Variants in GPAT4 observed in about 807,000 individuals in gnomAD.
GPAT4 encodes the protein glycerol-3-phosphate acyltransferase 4.
In GPAT4, 17 loss-of-function variants were observed where a neutral mutation model predicts 58.0. The observed-to-expected ratio is 0.29, with a 90% CI of 0.20 to 0.44. The LOEUF (loss-of-function observed/expected upper bound fraction) is 0.44, where lower values mean the gene tolerates loss of function less well. Ranked by LOEUF, GPAT4 falls within the 20% of genes least tolerant of loss-of-function variation. The probability of loss-of-function intolerance (pLI) is 1.00; values close to 1 mark genes in which losing one functional copy is unlikely to be tolerated. For missense variants in GPAT4, 377 were observed against 574.5 expected (o/e 0.66, Z 3.51); for synonymous variants, 204 against 210.1 (o/e 0.97, Z 0.25).
At chr8:41,601,949 A>T (rs1160947252) in intron 2 of GPAT4, among the ~76,000 whole-genome samples, 1 of 80,002 alleles carries the variant, frequency 1.2e-5, no homozygotes, top group Admixed American at 1.2e-4. Flanking sequence ...TTTGGGCCAC[A>T]GTGGCCCAAA....
intron 4 of GPAT4, chr8:41,610,403 A>G (rs1375003108): frequency 2.4e-6 from 3 of 1,242,040 alleles, no homozygotes; most frequent in African/African-American, 3.1e-5. Flanking sequence ...CTGTGCTTCC[A>G]CCGGGGTTTC....
intron 1 of GPAT4, among the ~76,000 whole-genome samples, chr8:41,589,801 G>C (rs757405674): frequency 5.9e-5 from 9 of 152,196 alleles, no homozygotes; most frequent in African/African-American, 9.7e-5. Flanking sequence ...CCTTGGGTCT[G>C]TGGAACTCAG....
chr8:41,579,372 A>G (rs1314443052), intron 1 of GPAT4, among the ~76,000 whole-genome samples: 5 of 152,202 alleles, frequency 3.3e-5, no homozygotes, highest in Non-Finnish European at 5.9e-5. Flanking sequence ...ACTTGATGCA[A>G]GATGAGTCTG....
intron 1 of GPAT4, among the ~76,000 whole-genome samples, chr8:41,594,546 C>CTTTT (rs35439986): frequency 1.6e-4 from 22 of 133,552 alleles, no homozygotes; most frequent in African/African-American, 2.3e-4. Context: ...TTATTACAAA[C>CTTTT]TTTTTTTTTT....
rs567790530 is a variant in GPAT4, at chr8:41,581,625, C to CTTT, written c.-849+3366_-849+3368dup. Among the ~76,000 whole-genome samples the CTTT allele has an allele frequency of 4.7e-3, 519 of 110,546 alleles. 11 individuals are homozygous for CTTT. Among genetic ancestry groups the CTTT allele is most frequent in the African/African-American group, 0.017 (491 of 29,602 alleles). 72.5% of individuals were successfully genotyped at this position (110,546 alleles called of 152,430 possible). A position where few individuals can be genotyped will look rare whatever the true frequency, so the allele number is the denominator to read the frequency against. On this transcript the variant is annotated intron_variant, in intron 1 of 12. Transcript: ENST00000396987. ...AGCCACCATGCCAGGCCTTTGTTGA[C>CTTT]TTTTTTTTTTTTTTTTTTTTTGAGA...
At chr8:41,610,997 T>C (rs186611639) in intron 5 of GPAT4, among the ~76,000 whole-genome samples, 187 bp downstream of exon 5, 31 of 151,818 alleles carry the variant, frequency 2.0e-4, no homozygotes, top group Admixed American at 2.0e-3. Flanking sequence ...GAGGCTGAGG[T>C]GGGTGGATCA....
Position 41,582,929 on chromosome 8 carries a change from A to T in GPAT4, c.-849+4651A>T, listed in dbSNP as rs112050311. On this transcript the variant is annotated intron_variant, in intron 1 of 12. Coordinates refer to ENST00000396987, the MANE Select transcript of GPAT4 (RefSeq NM_178819.4). The stretch of plus-strand genomic sequence containing the variant: ...TCTACTTAACATTTCAAATTAAAAT[A>T]TACAAGAAATTGGCCTGACGTGGTG... Among the ~76,000 whole-genome samples, 510 of 152,246 alleles carry T rather than the reference A, an allele frequency of 3.3e-3. 2 individuals carry two copies. Among genetic ancestry groups the T allele is most frequent in the African/African-American group, 0.012 (490 of 41,546 alleles).
chr8:41,621,022 G>T lies in GPAT4; in HGVS notation c.*21G>T. 1 of 1,550,438 alleles carries T rather than the reference G, an allele frequency of 6.4e-7. No individual in the cohort carries two copies. The highest frequency in any genetic ancestry group is 2.4e-5 in the East Asian group (1 of 40,924). On this transcript the variant is annotated 3_prime_UTR_variant, in exon 13 of 13. Coordinates refer to ENST00000396987, the MANE Select transcript of GPAT4 (RefSeq NM_178819.4). ...CCTGAGCCTGCCTCCAGCTGGCTGG[G>T]GCCACCGTGCGGGGTGCCAACGGGC...
At chr8:41,599,371 T>C (rs1399389296) in intron 2 of GPAT4, 67 bp downstream of exon 2, 5 of 1,557,242 alleles carry the variant, frequency 3.2e-6, no homozygotes, top group East Asian at 2.2e-5. Context: ...CAAAAAGTTA[T>C]TCTTACAGGC....
Position 41,624,319 on chromosome 8 carries a change from G to C in GPAT4, c.*3318G>C, listed in dbSNP as rs536246336. 6.6e-6 allele frequency: 1 copy of C among 152,258 alleles called. No individual in the cohort carries two copies. Among genetic ancestry groups the C allele is most frequent in the African/African-American group, 2.4e-5 (1 of 41,454 alleles). 9.4% of individuals were successfully genotyped at this position (152,258 alleles called of 1,614,324 possible). A position where few individuals can be genotyped will look rare whatever the true frequency, so the allele number is the denominator to read the frequency against. On this transcript the variant is annotated 3_prime_UTR_variant, in exon 13 of 13. Coordinates refer to ENST00000396987, the MANE Select transcript of GPAT4 (RefSeq NM_178819.4). ...AATGCCCTTCCCAGACCAGTGACAG[G>C]CATTTTTGGGTGCCATCGTGTGACC...
At chr8:41,593,587 T>C (rs1341178155) in intron 1 of GPAT4, among the ~76,000 whole-genome samples, 1 of 152,192 alleles carries the variant, frequency 6.6e-6, no homozygotes, top group African/African-American at 2.4e-5. Flanking sequence ...GCTGCTTTCT[T>C]GACTCGGGTG....
Position 41,609,936 on chromosome 8 carries a change from T to A in GPAT4, c.517T>A (p.Cys173Ser). ...GGGGTTAGGAGTGCTGATTCGGTACTGCTTTCTGCTGCCGCTCAGGTGAGG... is the reference window on the plus strand; with the variant it reads ...GGGGTTAGGAGTGCTGATTCGGTACAGCTTTCTGCTGCCGCTCAGGTGAGG... ...LWGLGVLIRY[C>S]FLLPLRIALA... The change falls in exon 4 of 13, where the codon TGC becomes AGC. Residue 173 changes from cysteine (C) to serine (S), a missense_variant. By Grantham distance (112) the Cys-to-Ser change is moderately radical (BLOSUM62 -1). Transcript: ENST00000396987. 1 of 1,607,214 alleles carries A rather than the reference T, an allele frequency of 6.2e-7. No individual in the cohort carries two copies. The highest frequency in any genetic ancestry group is 8.5e-7 in the Non-Finnish European group (1 of 1,175,470).
chr8:41,619,124 A>G lies in GPAT4; in HGVS notation c.1262+147A>G, dbSNP rs565930069. The G allele has an allele frequency of 1.4e-3, 1,329 of 960,586 alleles. 2 individuals are homozygous for G. Among genetic ancestry groups the G allele is most frequent in the Non-Finnish European group, 2.0e-3 (1,268 of 640,722 alleles). The allele number at this position is 960,586 out of a possible 1,614,324, so 59.5% of individuals were successfully genotyped here. A position where few individuals can be genotyped will look rare whatever the true frequency, so the allele number is the denominator to read the frequency against. On this transcript the variant is annotated intron_variant, in intron 12 of 12. Coordinates refer to ENST00000396987, the MANE Select transcript of GPAT4 (RefSeq NM_178819.4). ...TTTGACTCTCCCCGAATTCCAACCCAGAAGTGCCCTGTGCTTCCTTGACCT... is the reference window on the plus strand; with the variant it reads ...TTTGACTCTCCCCGAATTCCAACCCGGAAGTGCCCTGTGCTTCCTTGACCT...
intron 4 of GPAT4, 155 bp downstream of exon 4, chr8:41,610,110 G>A (rs1241037587): frequency 6.9e-7 from 1 of 1,447,576 alleles, no homozygotes; most frequent in Admixed American, 2.8e-5. Flanking sequence ...ATACACTGGT[G>A]ATTCTCCTTT....
chr8:41,612,023 G>C, intron 6 of GPAT4, 31 bp downstream of exon 6: 1 of 1,611,884 alleles, frequency 6.2e-7, no homozygotes. Context: ...TAGGAAGGGA[G>C]ATGGCGCTGC....
At chr8:41,595,000 C>T (rs1470563887) in intron 1 of GPAT4, among the ~76,000 whole-genome samples, 1 of 151,984 alleles carries the variant, frequency 6.6e-6, no homozygotes, top group East Asian at 1.9e-4. Flanking sequence ...ACTAGACTGT[C>T]TAAGGCGACA....
chr8:41,621,277 A>G lies in GPAT4; in HGVS notation c.*276A>G. On this transcript the variant is annotated 3_prime_UTR_variant, in exon 13 of 13. Coordinates refer to ENST00000396987, the MANE Select transcript of GPAT4 (RefSeq NM_178819.4). ...ATAAGTCGTTGGAGGAATGCCATTAAAGTGAACTCCCCACCTTTGCACGCT... is the reference window on the plus strand; with the variant it reads ...ATAAGTCGTTGGAGGAATGCCATTAGAGTGAACTCCCCACCTTTGCACGCT... The G allele has an allele frequency of 2.1e-6, 1 of 465,394 alleles. No individual in the cohort carries two copies. Among genetic ancestry groups the G allele is most frequent in the Non-Finnish European group, 3.9e-6 (1 of 254,998 alleles). The allele number at this position is 465,394 out of a possible 1,614,324, so 28.8% of individuals were successfully genotyped here.
intron 10 of GPAT4, among the ~76,000 whole-genome samples, chr8:41,616,949 T>C (rs1803611817): frequency 6.6e-6 from 1 of 152,196 alleles, no homozygotes; most frequent in South Asian, 2.1e-4. Flanking sequence ...TGTGTTGAGC[T>C]TCTGCCTTTT....
At position 41,622,045 on chromosome 8, in the gene GPAT4, G is replaced by A. The variant is rs1803767848; in HGVS notation, c.*1044G>A. The A allele has an allele frequency of 6.6e-6, 1 of 152,238 alleles. No homozygotes were observed. Among genetic ancestry groups the A allele is most frequent in the African/African-American group, 2.4e-5 (1 of 41,436 alleles). 9.4% of individuals were successfully genotyped at this position (152,238 alleles called of 1,614,324 possible). ...AGAAGCCAACTGACTGCTGGAGCGA[G>A]GAACCCTGCAGCTCAGAAGGTGAAC... On this transcript the variant is annotated 3_prime_UTR_variant, in exon 13 of 13. Transcript: ENST00000396987.
Sources: gnomAD v4.1 joint callset for allele counts (sites outside exome capture counted in the v4.1 genomes callset) on GRCh38, gnomAD v4.1.1 for gene constraint, MANE v1.5 for transcripts, NCBI Gene and HGNC (gene_info 2026-07-23, HGNC 2026-07-21) for gene names.